The following ROBO1 variants were observed in gnomAD, a reference collection of about 807,000 sequenced individuals.
The protein encoded by ROBO1 is roundabout homolog 1.
In ROBO1, 149 loss-of-function variants were observed where a neutral mutation model predicts 195.9. The ratio of observed to expected loss-of-function variants is 0.76; its 90% CI spans 0.67 to 0.87. The LOEUF is 0.87. Ranked by LOEUF, ROBO1 falls within the 40% of genes least tolerant of loss-of-function variation. The pLI is 0.00. For missense variants in ROBO1, 1,933 were observed against 2,068.3 expected (o/e 0.93, Z 1.27); for synonymous variants, 816 against 733.2 (o/e 1.11, Z -1.82).
At chr3:78,775,748 TG>T (rs2083487934) in intron 4 of ROBO1, among the ~76,000 whole-genome samples, 2 of 152,234 alleles carry the variant, frequency 1.3e-5, no homozygotes, top group Admixed American at 1.3e-4. Context: ...CCCCAAGTTC[TG>T]GTCTATTGTG....
chr3:78,757,811 C>G (rs2082977702), intron 4 of ROBO1, among the ~76,000 whole-genome samples: 1 of 152,168 alleles, frequency 6.6e-6, no homozygotes, highest in South Asian at 2.1e-4. Context: ...AACACATGAA[C>G]TAAACAAAGG....
At chr3:79,598,312 A>G (rs1944241330) in intron 1 of ROBO1, among the ~76,000 whole-genome samples, 1 of 152,044 alleles carries the variant, frequency 6.6e-6, no homozygotes, top group South Asian at 2.1e-4. Flanking sequence ...CCTGAAGCAC[A>G]CATCCTTTTA....
At chr3:79,757,959 A>C (rs142493709) in intron 1 of ROBO1, among the ~76,000 whole-genome samples, 1 of 152,200 alleles carries the variant, frequency 6.6e-6, no homozygotes, top group Non-Finnish European at 1.5e-5. Flanking sequence ...TTGATGGTTC[A>C]CATTGTCATT....
At chr3:78,678,845 T>TAC (rs1174171132) in intron 10 of ROBO1, among the ~76,000 whole-genome samples, 1 of 152,132 alleles carries the variant, frequency 6.6e-6, no homozygotes, top group Non-Finnish European at 1.5e-5. Context: ...ATCATCCTGA[T>TAC]ACCAAAGCCG....
intron 2 of ROBO1, among the ~76,000 whole-genome samples, chr3:79,138,078 A>T (rs1258717599): frequency 6.6e-6 from 1 of 152,100 alleles, no homozygotes; most frequent in Non-Finnish European, 1.5e-5. Context: ...CTTTGCCCAC[A>T]ATGTTTTAAA....
chr3:78,712,761 T>G (rs1330521104), intron 8 of ROBO1, among the ~76,000 whole-genome samples: 2 of 152,188 alleles, frequency 1.3e-5, no homozygotes, highest in East Asian at 3.9e-4. Flanking sequence ...TACGGAAAAC[T>G]TAAGGCTAAA....
At chr3:78,900,778 A>T (rs1210609258) in intron 4 of ROBO1, among the ~76,000 whole-genome samples, 1 of 152,156 alleles carries the variant, frequency 6.6e-6, no homozygotes, top group Non-Finnish European at 1.5e-5. Flanking sequence ...GAGTCCCAGA[A>T]TATGTTAACC....
At position 78,867,172 on chromosome 3, in the gene ROBO1, G is replaced by A. The variant is rs77632169; in HGVS notation, c.499+71429C>T. 9.6e-3 allele frequency among the ~76,000 whole-genome samples: 1,467 copies of A among 152,198 alleles called. 32 individuals carry two copies. The highest frequency in any genetic ancestry group is 0.032 in the African/African-American group (1,309 of 41,524). Reference sequence around the variant, plus strand: ...TATTTGAAGGGATCGTTTCTTTACCGCAAGCCCAAGCAATCAGTTCCATTC... The same window carrying A: ...TATTTGAAGGGATCGTTTCTTTACCACAAGCCCAAGCAATCAGTTCCATTC... On this transcript the variant is annotated intron_variant, in intron 4 of 30. Transcript: ENST00000464233.
intron 2 of ROBO1, among the ~76,000 whole-genome samples, chr3:79,268,338 T>C (rs2030184902): frequency 6.6e-6 from 1 of 151,696 alleles, no homozygotes; most frequent in Non-Finnish European, 1.5e-5. Flanking sequence ...AAGTGTACTA[T>C]AAATGATATT....
chr3:78,612,089 T>C (rs1044442805), intron 28 of ROBO1, among the ~76,000 whole-genome samples: 1 of 152,314 alleles, frequency 6.6e-6, no homozygotes, highest in Non-Finnish European at 1.5e-5. Flanking sequence ...ACATGGCCAC[T>C]CTTTATCCTT....
chr3:79,271,368 T>C (rs1416112608), intron 2 of ROBO1, among the ~76,000 whole-genome samples: 1 of 152,020 alleles, frequency 6.6e-6, no homozygotes, highest in Non-Finnish European at 1.5e-5. Flanking sequence ...CTTATCTTGT[T>C]ACTTACACAG....
At chr3:78,690,729 A>C (rs538804637) in intron 8 of ROBO1, among the ~76,000 whole-genome samples, 28 of 152,254 alleles carry the variant, frequency 1.8e-4, no homozygotes, top group African/African-American at 6.7e-4. Context: ...GATTAATTAG[A>C]TGAGTGGGAG....
chr3:79,744,947 G>T (rs193284527), intron 1 of ROBO1, among the ~76,000 whole-genome samples: 1 of 151,828 alleles, frequency 6.6e-6, no homozygotes, highest in Non-Finnish European at 1.5e-5. Context: ...TATTCTAAAA[G>T]TGAATGCTTT....
intron 2 of ROBO1, among the ~76,000 whole-genome samples, chr3:79,246,973 AAGT>A (rs2082635608): frequency 6.6e-6 from 1 of 152,002 alleles, no homozygotes; most frequent in South Asian, 2.1e-4. Flanking sequence ...GCCTGGCATG[AAGT>A]AAGCACTAAA....
intron 3 of ROBO1, among the ~76,000 whole-genome samples, chr3:78,973,574 G>GATATAT (rs2076819445): frequency 9.9e-6 from 1 of 101,290 alleles, no homozygotes; most frequent in African/African-American, 5.6e-5. Flanking sequence ...CATATATGAA[G>GATATAT]CTATATATAT....
chr3:78,895,903 A>G (rs1159791802), intron 4 of ROBO1, among the ~76,000 whole-genome samples: 2 of 152,224 alleles, frequency 1.3e-5, no homozygotes, highest in African/African-American at 4.8e-5. Context: ...AATAAGAATT[A>G]TACTTTTGTT....
intron 2 of ROBO1, among the ~76,000 whole-genome samples, chr3:79,372,665 C>T (rs2036241796): frequency 6.6e-6 from 1 of 152,102 alleles, no homozygotes; most frequent in Non-Finnish European, 1.5e-5. Context: ...AGAAGCTGGC[C>T]ATCCACAAGC....
chr3:78,781,915 G>A (rs1417814756), intron 4 of ROBO1, among the ~76,000 whole-genome samples: 1 of 152,088 alleles, frequency 6.6e-6, no homozygotes, highest in East Asian at 1.9e-4. Flanking sequence ...ATGTACAAAA[G>A]TGTACATGCA....
chr3:78,743,374 A>C (rs2082578541), intron 5 of ROBO1, among the ~76,000 whole-genome samples: 1 of 151,816 alleles, frequency 6.6e-6, no homozygotes, highest in African/African-American at 2.4e-5. Context: ...AGTCACCGAC[A>C]CCTCCTTCAA....
Sources: gnomAD v4.1 joint callset for allele counts (sites outside exome capture counted in the v4.1 genomes callset) on GRCh38, gnomAD v4.1.1 for gene constraint, MANE v1.5 for transcripts, NCBI Gene and HGNC (gene_info 2026-07-23, HGNC 2026-07-21) for gene names.